Variants in USP34 observed in about 807,000 individuals in gnomAD.
USP34 encodes ubiquitin specific peptidase 34.
In USP34, 70 loss-of-function variants were observed where a neutral mutation model predicts 460.3. The ratio of observed to expected loss-of-function variants is 0.15; its 90% CI spans 0.13 to 0.19. USP34 has a LOEUF of 0.19. USP34 is among the 10% of genes least tolerant of loss of function. The probability of loss-of-function intolerance (pLI) is 1.00; values close to 1 mark genes in which losing one functional copy is unlikely to be tolerated. For synonymous variants in USP34, 1,647 were observed against 1,405.3 expected (o/e 1.17, Z -3.85); for missense variants, 3,985 against 4,236.2 (o/e 0.94, Z 1.65).
At chr2:61,295,367 A>G in intron 30 of USP34, 77 bp from the exon 31 acceptor site, 1 of 1,448,230 alleles carries the variant, frequency 6.9e-7, no homozygotes. Flanking sequence ...ACAAACTGAC[A>G]CTACATAAAA....
At chr2:61,400,607 TG>T (rs1407046232) in intron 3 of USP34, among the ~76,000 whole-genome samples, 1 of 152,086 alleles carries the variant, frequency 6.6e-6, no homozygotes, top group African/African-American at 2.4e-5. Flanking sequence ...CCCAGTACTT[TG>T]GGAGGCTGAG....
chr2:61,470,759 G>A lies in USP34; in HGVS notation c.-67C>T. On this transcript the variant is annotated 5_prime_UTR_variant, in exon 1 of 80. Coordinates refer to ENST00000398571, the MANE Select transcript of USP34 (RefSeq NM_014709.4). Reference sequence around the variant, plus strand: ...CTGACTGATCCCGACCGGCGGGGGGGAGGGGAGAGAGGCGGAGGAGGGGGC... The same window carrying A: ...CTGACTGATCCCGACCGGCGGGGGGAAGGGGAGAGAGGCGGAGGAGGGGGC... 4 of 1,418,518 alleles carry A rather than the reference G, an allele frequency of 2.8e-6. No homozygotes were observed. The highest frequency in any genetic ancestry group is 3.9e-6 in the Non-Finnish European group (4 of 1,030,322). 87.9% of individuals were successfully genotyped at this position (1,418,518 alleles called of 1,614,324 possible).
intron 1 of USP34, among the ~76,000 whole-genome samples, chr2:61,425,194 A>C (rs996948573): frequency 6.6e-6 from 1 of 152,184 alleles, no homozygotes; most frequent in Non-Finnish European, 1.5e-5. Flanking sequence ...CCCCGCCAAC[A>C]AGGATACCAA....
intron 70 of USP34, chr2:61,208,146 G>C (rs1221927565): frequency 6.6e-6 from 1 of 152,234 alleles, no homozygotes; most frequent in Non-Finnish European, 1.5e-5. Context: ...GAACCGCTCA[G>C]GGCAAATCGG....
intron 1 of USP34, among the ~76,000 whole-genome samples, chr2:61,424,287 G>T (rs531526097): frequency 6.6e-6 from 1 of 152,132 alleles, no homozygotes; most frequent in Non-Finnish European, 1.5e-5. Flanking sequence ...ATAATACAAT[G>T]TAAGTATTTG....
At position 61,314,992 on chromosome 2, in the gene USP34, G is replaced by T; in HGVS notation, c.3283-18C>A. The T allele has an allele frequency of 6.3e-7, 1 of 1,590,076 alleles. No homozygotes were observed. The highest frequency in any genetic ancestry group is 8.6e-7 in the Non-Finnish European group (1 of 1,168,346). On this transcript the variant is annotated intron_variant, in intron 23 of 79. Coordinates refer to ENST00000398571, the MANE Select transcript of USP34 (RefSeq NM_014709.4). ...CCACACAGCTAAGAAAGAAAAATATGGTATCTCTAAATTTTGTTTGTCAAA... is the reference window on the plus strand; with the variant it reads ...CCACACAGCTAAGAAAGAAAAATATTGTATCTCTAAATTTTGTTTGTCAAA...
intron 43 of USP34, among the ~76,000 whole-genome samples, chr2:61,263,581 A>G (rs949422535): frequency 2.0e-5 from 3 of 151,752 alleles, no homozygotes; most frequent in Admixed American, 6.6e-5. Context: ...TCCTGGGTTC[A>G]AGGGATTCTC....
At chr2:61,247,147 T>C (rs753501078) in intron 49 of USP34, among the ~76,000 whole-genome samples, 2 of 152,184 alleles carry the variant, frequency 1.3e-5, no homozygotes, top group Middle Eastern at 3.4e-3. Context: ...TAAAAGATAC[T>C]GAGGAAAAAA....
chr2:61,379,826 T>G (rs1451688889), intron 7 of USP34, among the ~76,000 whole-genome samples: 1 of 152,260 alleles, frequency 6.6e-6, no homozygotes, highest in Non-Finnish European at 1.5e-5. Flanking sequence ...GGTTTCTGCC[T>G]GGAAAATTAA....
chr2:61,414,950 G>C (rs1433403451), intron 2 of USP34, among the ~76,000 whole-genome samples: 1 of 152,126 alleles, frequency 6.6e-6, no homozygotes, highest in East Asian at 1.9e-4. Context: ...ATGAAGACTT[G>C]GACTGCCACC....
In USP34 at chr2:61,331,313, T is replaced by C. The variant is rs766439574; in HGVS notation, c.2893A>G (p.Ile965Val). ...KLFFDNLVYY[I>V]QTVREGRQKH... The stretch of plus-strand genomic sequence containing the variant: ...TGTCTTCCTTCTCTCACAGTTTGAA[T>C]GTAGTATACCAAATTATCAAAGAAA... Residue 965 changes from isoleucine (I) to valine (V), a missense_variant, in exon 20 of 80, where the codon ATT (isoleucine) becomes GTT (valine). Physicochemically the swap from Ile to Val is conservative, Grantham distance 29. Transcript: ENST00000398571. 49 of 1,612,516 alleles carry C rather than the reference T, an allele frequency of 3.0e-5. No individual in the cohort carries two copies. Among genetic ancestry groups the C allele is most frequent in the Middle Eastern group, 1.6e-4 (1 of 6,074 alleles).
intron 78 of USP34, chr2:61,189,971 T>C (rs1258850143): frequency 3.2e-5 from 8 of 252,752 alleles, no homozygotes; most frequent in Non-Finnish European, 5.2e-5. Flanking sequence ...TAGGCAGTAA[T>C]AGAAACATCA....
chr2:61,348,138 T>G lies in USP34; in HGVS notation c.2017A>C (p.Lys673Gln), dbSNP rs1691829330. The change falls in exon 15 of 80, where the codon AAG (lysine) becomes CAG (glutamine). Residue 673 changes from lysine to glutamine, a missense_variant. Lys to Gln is a moderately conservative substitution (Grantham distance 53). Around this residue, in one of 14 missense-constraint regions of USP34, gnomAD observed 716 missense variants for 626.2 expected, o/e 1.14. Coordinates refer to ENST00000398571, the MANE Select transcript of USP34 (RefSeq NM_014709.4). ...GATTCAGTGTTAAAAACCAGGTCCT[T>G]TCCTGTTCCGCTGCTTGTCCCATTT... ...ERNGTSSGTG[K>Q]DLVFNTESLP... The G allele has an allele frequency of 6.2e-7, 1 of 1,614,222 alleles. No individual in the cohort carries two copies. Among genetic ancestry groups the G allele is most frequent in the African/African-American group, 1.3e-5 (1 of 75,056 alleles).
At chr2:61,301,686 T>C (rs767522374) in intron 27 of USP34, among the ~76,000 whole-genome samples, 2 of 152,242 alleles carry the variant, frequency 1.3e-5, no homozygotes, top group East Asian at 1.9e-4. Flanking sequence ...TCTCACACTA[T>C]GTTCAGCCAA....
At chr2:61,218,053 G>T (rs1019974336) in intron 67 of USP34, among the ~76,000 whole-genome samples, 3 of 151,828 alleles carry the variant, frequency 2.0e-5, no homozygotes, top group Non-Finnish European at 2.9e-5. Flanking sequence ...CCTTTCATAA[G>T]AATAATATTA....
intron 58 of USP34, 137 bp from the exon 59 acceptor site, chr2:61,229,770 G>C (rs964006210): frequency 2.3e-5 from 15 of 663,126 alleles, no homozygotes; most frequent in Non-Finnish European, 3.7e-5. Context: ...AGCTCTTCTG[G>C]AGTCTCAACA....
intron 8 of USP34, among the ~76,000 whole-genome samples, chr2:61,376,877 C>G (rs1311675655): frequency 6.6e-6 from 1 of 152,192 alleles, no homozygotes; most frequent in Non-Finnish European, 1.5e-5. Context: ...CTCCTGGCCT[C>G]AAGTGATCTG....
At chr2:61,276,002 T>A (rs1689362552) in intron 41 of USP34, among the ~76,000 whole-genome samples, 1 of 152,158 alleles carries the variant, frequency 6.6e-6, no homozygotes, top group African/African-American at 2.4e-5. Flanking sequence ...ATATTCAAAA[T>A]AAATAACTTT....
At position 61,313,579 on chromosome 2, in the gene USP34, GA is replaced by G. The variant is rs1442992888; in HGVS notation, c.3542+1005del. Among the ~76,000 whole-genome samples the G allele has an allele frequency of 2.6e-5, 4 of 152,188 alleles. No homozygotes were observed. The South Asian group carries it at 8.3e-4, about 32-fold the overall frequency. On this transcript the variant is annotated intron_variant, in intron 25 of 79. Transcript: ENST00000398571. ...TTTTATAATACGTATTAATTAATTTGAATAAGTTACACCACATTTGCTCTTT... is the reference window on the plus strand; with the variant it reads ...TTTTATAATACGTATTAATTAATTTGATAAGTTACACCACATTTGCTCTTT...
Sources: allele counts gnomAD v4.1 joint callset (sites outside exome capture counted in the v4.1 genomes callset), GRCh38; gene constraint gnomAD v4.1.1; regional missense constraint gnomAD v4.1.1; transcripts MANE v1.5; gene names NCBI Gene and HGNC (gene_info 2026-07-23, HGNC 2026-07-21).